Variants in PRKN observed in about 807,000 individuals in gnomAD.
PRKN encodes the protein E3 ubiquitin-protein ligase parkin.
A neutral mutation model predicts 59.5 loss-of-function variants in PRKN; 56 were observed. The ratio of observed to expected loss-of-function variants is 0.94; its 90% CI spans 0.76 to 1.18. The LOEUF (loss-of-function observed/expected upper bound fraction) is 1.18, where lower values mean the gene tolerates loss of function less well. Ranked by LOEUF, PRKN falls within the 50% of genes most tolerant of loss-of-function variation. The pLI is 0.00. For synonymous variants in PRKN, 250 were observed against 222.1 expected, an observed-to-expected ratio of 1.13 and a Z score of -1.12; for missense variants, 657 against 596.4, an observed-to-expected ratio of 1.10 and a Z score of -1.06.
At chr6:161,653,218 G>A (rs149740834) in intron 7 of PRKN, among the ~76,000 whole-genome samples, 23 of 151,706 alleles carry the variant, frequency 1.5e-4, no homozygotes, top group Non-Finnish European at 2.6e-4. Flanking sequence ...AAAAAAAATA[G>A]CTGGGCGTGG....
intron 3 of PRKN, among the ~76,000 whole-genome samples, chr6:162,258,751 T>C (rs1002137457): frequency 6.6e-6 from 1 of 152,180 alleles, no homozygotes; most frequent in African/African-American, 2.4e-5. Context: ...GCACTAAAGC[T>C]TGAGTGGCAC....
At chr6:162,069,038 C>A (rs1778458187) in intron 4 of PRKN, among the ~76,000 whole-genome samples, 1 of 152,064 alleles carries the variant, frequency 6.6e-6, no homozygotes, top group Non-Finnish European at 1.5e-5. Flanking sequence ...TTGGAGTCCT[C>A]CTTTTAAAAT....
chr6:162,414,385 C>T (rs1010528291), intron 2 of PRKN, among the ~76,000 whole-genome samples: 1 of 151,918 alleles, frequency 6.6e-6, no homozygotes, highest in East Asian at 1.9e-4. Flanking sequence ...TCATTGTCTA[C>T]AGGTGTTATG....
At chr6:162,112,130 A>G (rs1174232722) in intron 4 of PRKN, among the ~76,000 whole-genome samples, 1 of 152,224 alleles carries the variant, frequency 6.6e-6, no homozygotes, top group Non-Finnish European at 1.5e-5. Flanking sequence ...ACATTTCCAC[A>G]CTGGAACAGT....
chr6:161,614,629 G>A (rs920434693), intron 7 of PRKN, among the ~76,000 whole-genome samples: 1 of 152,246 alleles, frequency 6.6e-6, no homozygotes, highest in African/African-American at 2.4e-5. Flanking sequence ...ATTTAATACA[G>A]ACATTTAAAT....
intron 1 of PRKN, among the ~76,000 whole-genome samples, chr6:162,474,659 T>A (rs1382484105): frequency 6.6e-6 from 1 of 152,220 alleles, no homozygotes; most frequent in Non-Finnish European, 1.5e-5. Flanking sequence ...TAAAACAATT[T>A]ACTTGGAAGG....
At chr6:161,609,361 GTTCA>G (rs1198252853) in intron 7 of PRKN, among the ~76,000 whole-genome samples, 32 of 152,140 alleles carry the variant, frequency 2.1e-4, no homozygotes, top group Non-Finnish European at 4.3e-4. Flanking sequence ...GTCTTTCAGA[GTTCA>G]TTAACAGTGT....
intron 6 of PRKN, among the ~76,000 whole-genome samples, chr6:161,867,740 C>CATCTATTTATTT (rs1794173000): frequency 7.3e-6 from 1 of 137,536 alleles, no homozygotes. Context: ...AAAAATCTTT[C>CATCTATTTATTT]ATTTATTTAT....
intron 4 of PRKN, among the ~76,000 whole-genome samples, chr6:162,067,110 C>T (rs1202870667): frequency 6.6e-6 from 1 of 152,092 alleles, no homozygotes; most frequent in Non-Finnish European, 1.5e-5. Flanking sequence ...TCTTGAACCA[C>T]AAGTTCAAGG....
intron 4 of PRKN, among the ~76,000 whole-genome samples, chr6:162,137,742 A>G (rs1179588635): frequency 6.6e-6 from 1 of 152,146 alleles, no homozygotes; most frequent in Non-Finnish European, 1.5e-5. Context: ...TCCTGAGATA[A>G]CAAACTTACT....
Position 161,691,027 on chromosome 6 carries a change from G to A in PRKN, c.871+94745C>T, listed in dbSNP as rs572255736. On this transcript the variant is annotated intron_variant, in intron 7 of 11. Transcript: ENST00000366898. ...CATCCAACCATCCGTCCATCCATCC[G>A]TCCTCCTTTCCTTTCCATCCATCCA... is the stretch of plus-strand genomic sequence containing the variant. 1.7e-3 allele frequency among the ~76,000 whole-genome samples: 193 copies of A among 110,684 alleles called. 2 individuals are homozygous for A. Among genetic ancestry groups the A allele is most frequent in the African/African-American group, 6.0e-3 (188 of 31,564 alleles). 72.6% of individuals were successfully genotyped at this position (110,684 alleles called of 152,430 possible).
At chr6:161,443,097 C>T (rs1386507473) in intron 9 of PRKN, among the ~76,000 whole-genome samples, 3 of 152,050 alleles carry the variant, frequency 2.0e-5, no homozygotes, top group African/African-American at 7.2e-5. Flanking sequence ...CACCTGAGGT[C>T]GGGAGTTCGA....
intron 1 of PRKN, among the ~76,000 whole-genome samples, chr6:162,650,455 G>A (rs866439934): frequency 3.3e-5 from 5 of 151,510 alleles, no homozygotes; most frequent in Admixed American, 1.3e-4. Flanking sequence ...AAAATTAGCC[G>A]GGCGTAGTGG....
intron 2 of PRKN, chr6:162,266,311 TG>T (rs1780133205): frequency 6.6e-6 from 1 of 150,830 alleles, no homozygotes; most frequent in African/African-American, 2.4e-5. Context: ...TGTGTGTGTG[TG>T]TGTGTGTGTG....
intron 2 of PRKN, among the ~76,000 whole-genome samples, chr6:162,411,207 C>T (rs1435563673): frequency 1.3e-5 from 2 of 152,118 alleles, no homozygotes; most frequent in Non-Finnish European, 2.9e-5. Context: ...ATCTGTCAGG[C>T]ATTTAAAAAT....
intron 9 of PRKN, among the ~76,000 whole-genome samples, chr6:161,439,429 C>T (rs1789085488): frequency 1.3e-5 from 2 of 152,178 alleles, no homozygotes; most frequent in African/African-American, 4.8e-5. Flanking sequence ...TGTAGAAATG[C>T]AAATAAGTAC....
At chr6:162,230,076 A>G (rs1324267462) in intron 3 of PRKN, among the ~76,000 whole-genome samples, 1 of 152,222 alleles carries the variant, frequency 6.6e-6, no homozygotes, top group Non-Finnish European at 1.5e-5. Flanking sequence ...GTACCAGACA[A>G]TTCTTATATT....
chr6:162,094,201 G>C (rs1239192516), intron 4 of PRKN, among the ~76,000 whole-genome samples: 1 of 152,142 alleles, frequency 6.6e-6, no homozygotes, highest in Non-Finnish European at 1.5e-5. Context: ...AGAAAAGTTG[G>C]AAAGGTGGCT....
chr6:161,975,912 T>C (rs1310220443), intron 5 of PRKN, among the ~76,000 whole-genome samples: 3 of 152,190 alleles, frequency 2.0e-5, no homozygotes, highest in African/African-American at 7.2e-5. Context: ...TGTGCCATTT[T>C]ACTTTTTTTT....
Sources: gnomAD v4.1 joint callset for allele counts (sites outside exome capture counted in the v4.1 genomes callset) on GRCh38, gnomAD v4.1.1 for gene constraint, MANE v1.5 for transcripts, NCBI Gene and HGNC (gene_info 2026-07-23, HGNC 2026-07-21) for gene names.